Variants in STEAP1B observed in about 807,000 individuals in gnomAD.
The protein encoded by STEAP1B is STEAP family protein MGC87042.
In STEAP1B, 13 loss-of-function variants were observed where a neutral mutation model predicts 27.9. The observed-to-expected ratio is 0.47, with a 90% CI of 0.30 to 0.74. The LOEUF is 0.74. Ranked by LOEUF, STEAP1B falls within the 30% of genes least tolerant of loss-of-function variation. The probability of loss-of-function intolerance (pLI) is 0.06; values close to 1 mark genes in which losing one functional copy is unlikely to be tolerated. For missense variants in STEAP1B, 250 were observed against 298.7 expected (o/e 0.84, Z 1.20); for synonymous variants, 86 against 107.1 (o/e 0.80, Z 1.22).
intron 4 of STEAP1B, among the ~76,000 whole-genome samples, chr7:22,487,539 C>T (rs1038397159): frequency 6.7e-6 from 1 of 148,976 alleles, no homozygotes; most frequent in Non-Finnish European, 1.5e-5. Context: ...GCCTGTAATC[C>T]CAGCATTTTA....
intron 4 of STEAP1B, among the ~76,000 whole-genome samples, chr7:22,434,563 G>C (rs1222187658): frequency 1.3e-5 from 2 of 152,238 alleles, no homozygotes; most frequent in Non-Finnish European, 2.9e-5. Context: ...TAATATGTGA[G>C]ACTAATAGCT....
intron 4 of STEAP1B, among the ~76,000 whole-genome samples, chr7:22,481,657 T>C (rs1280485492): frequency 1.3e-5 from 2 of 152,210 alleles, no homozygotes; most frequent in Non-Finnish European, 2.9e-5. Context: ...ATGAATTATT[T>C]TGTAAAACAC....
At chr7:22,425,498 C>G (rs753795863) in intron 4 of STEAP1B, among the ~76,000 whole-genome samples, 5 of 152,138 alleles carry the variant, frequency 3.3e-5, no homozygotes, top group African/African-American at 1.2e-4. Context: ...ATTAAAAAAA[C>G]AGTCAGTTGG....
intron 4 of STEAP1B, among the ~76,000 whole-genome samples, chr7:22,465,054 G>A (rs1251662867): frequency 6.8e-6 from 1 of 146,582 alleles, no homozygotes; most frequent in Non-Finnish European, 1.5e-5. Flanking sequence ...TGCACCTTGG[G>A]GCCATTATTC....
chr7:22,471,010 A>G (rs1321953672), intron 4 of STEAP1B, among the ~76,000 whole-genome samples: 1 of 152,134 alleles, frequency 6.6e-6, no homozygotes. Flanking sequence ...CCAATAAACG[A>G]TTTCCCTGGC....
chr7:22,450,601 T>TG (rs1398345783), intron 4 of STEAP1B, among the ~76,000 whole-genome samples: 2 of 115,192 alleles, frequency 1.7e-5, no homozygotes, highest in Non-Finnish European at 2.1e-5. Context: ...GTAGTTTTGT[T>TG]TTTTTTTTTT....
chr7:22,494,358 T>C (rs2128418434), intron 2 of STEAP1B, among the ~76,000 whole-genome samples: 1 of 152,278 alleles, frequency 6.6e-6, no homozygotes, highest in South Asian at 2.1e-4. Flanking sequence ...AGATGATCTC[T>C]TGGTAAGCTG....
chr7:22,481,210 T>C (rs1214176830), intron 4 of STEAP1B, among the ~76,000 whole-genome samples: 2 of 152,234 alleles, frequency 1.3e-5, no homozygotes, highest in Non-Finnish European at 2.9e-5. Context: ...CCCAAGGTCC[T>C]GTCAATTCAC....
At position 22,493,779 on chromosome 7, in the gene STEAP1B, G is replaced by T. The variant is rs772761908; in HGVS notation, c.142C>A (p.Gln48Lys). 1 of 1,613,526 alleles carries T rather than the reference G, an allele frequency of 6.2e-7. No individual in the cohort carries two copies. Residue 48 changes from glutamine to lysine, a missense_variant, in exon 3 of 5, where the codon CAA becomes AAA. Coordinates refer to ENST00000678116, the MANE Select transcript of STEAP1B (RefSeq NM_001382447.1). ...LKRPVLLHLQ[Q>K]TAHADEFDCP... ...TCAAATTCATCAGCATGGGCTGTTT[G>T]CTGCAAATGCAAAAGCACAGGTCTT... is the stretch of plus-strand genomic sequence containing the variant.
chr7:22,482,269 T>G (rs929639350), intron 4 of STEAP1B, among the ~76,000 whole-genome samples: 1 of 152,166 alleles, frequency 6.6e-6, no homozygotes, highest in Non-Finnish European at 1.5e-5. Context: ...GGGGGTATGC[T>G]CTCAGGAGAA....
chr7:22,487,010 A>G (rs1443211470), intron 4 of STEAP1B, among the ~76,000 whole-genome samples: 2 of 152,342 alleles, frequency 1.3e-5, no homozygotes, highest in East Asian at 1.9e-4. Context: ...CATCCTAACA[A>G]GTATTGCTTT....
At chr7:22,443,226 C>T (rs1398943231) in intron 4 of STEAP1B, among the ~76,000 whole-genome samples, 4 of 152,226 alleles carry the variant, frequency 2.6e-5, no homozygotes, top group African/African-American at 4.8e-5. Context: ...TTCCCAACAA[C>T]AAGAAAAGTG....
At chr7:22,497,477 G>A (rs1203261845) in intron 1 of STEAP1B, among the ~76,000 whole-genome samples, 1 of 151,382 alleles carries the variant, frequency 6.6e-6, no homozygotes, top group East Asian at 1.9e-4. Context: ...TTTTTTTTTG[G>A]TTTAAGTTAG....
intron 4 of STEAP1B, among the ~76,000 whole-genome samples, chr7:22,430,929 T>G (rs541935926): frequency 6.6e-6 from 1 of 152,340 alleles, no homozygotes; most frequent in Non-Finnish European, 1.5e-5. Flanking sequence ...CATCAGGCAT[T>G]TTGGACTTGA....
chr7:22,490,232 C>G (rs3898737), intron 4 of STEAP1B, among the ~76,000 whole-genome samples: 88,242 of 151,850 alleles, frequency 0.58, 25,813 homozygotes, highest in Middle Eastern at 0.67. Context: ...ACACTATTTT[C>G]CTGGTGCTTG....
At chr7:22,483,923 A>G (rs1786129648) in intron 4 of STEAP1B, among the ~76,000 whole-genome samples, 2 of 152,232 alleles carry the variant, frequency 1.3e-5, no homozygotes, top group Admixed American at 6.5e-5. Flanking sequence ...TTAGAAGATC[A>G]AACTAGCCAC....
chr7:22,442,605 G>A (rs998759439), intron 4 of STEAP1B, among the ~76,000 whole-genome samples: 3 of 152,244 alleles, frequency 2.0e-5, no homozygotes, highest in African/African-American at 7.2e-5. Context: ...GGGGGAGGGT[G>A]TAAAGGAATG....
intron 4 of STEAP1B, among the ~76,000 whole-genome samples, chr7:22,471,861 C>T (rs1180285825): frequency 7.1e-6 from 1 of 140,722 alleles, no homozygotes; most frequent in East Asian, 2.1e-4. Flanking sequence ...TATGATTGCA[C>T]CAGTGCACTC....
intron 3 of STEAP1B, among the ~76,000 whole-genome samples, chr7:22,493,115 A>C (rs942554600): frequency 6.6e-6 from 1 of 152,196 alleles, no homozygotes; most frequent in East Asian, 1.9e-4. Flanking sequence ...CTAAAGTTGT[A>C]CCTTATTTTC....
Sources: allele counts gnomAD v4.1 joint callset (sites outside exome capture counted in the v4.1 genomes callset), GRCh38; gene constraint gnomAD v4.1.1; transcripts MANE v1.5; gene names NCBI Gene and HGNC (gene_info 2026-07-23, HGNC 2026-07-21).